Variants in FAM120C observed in about 807,000 individuals in gnomAD.
FAM120C encodes family with sequence similarity 120 member C.
Under a neutral mutation model 71.2 loss-of-function variants are expected in FAM120C, and 14 were observed. That is an observed-to-expected ratio of 0.20 (90% CI 0.13 to 0.31). The LOEUF is 0.31. FAM120C is among the 10% of genes least tolerant of loss of function. The pLI, the probability that FAM120C is intolerant of heterozygous loss-of-function variation, is 1.00. For synonymous variants in FAM120C, 354 were observed against 353.2 expected (o/e 1.00, Z -0.03); for missense variants, 500 against 879.0 (o/e 0.57, Z 5.45).
chrX:54,095,067 A>AAAAAC (rs200090345), intron 10 of FAM120C, among the ~76,000 whole-genome samples: 8,064 of 110,355 alleles, frequency 0.073, 391 homozygotes, highest in Admixed American at 0.21. Context: ...AACTTGTTTC[A>AAAAAC]AAAACAAAAC....
intron 9 of FAM120C, among the ~76,000 whole-genome samples, chrX:54,118,382 G>C (rs1225907141): frequency 9.0e-6 from 1 of 111,049 alleles, no homozygotes. Context: ...AAGCATATCT[G>C]GGTTGCTTCC....
chrX:54,179,280 T>C (rs1372335609), intron 1 of FAM120C, among the ~76,000 whole-genome samples: 1 of 112,252 alleles, frequency 8.9e-6, no homozygotes, highest in Admixed American at 9.4e-5. Flanking sequence ...TATTTAATCC[T>C]TCCACCTCTA....
intron 14 of FAM120C, 110 bp from the exon 15 acceptor site, chrX:54,080,399 A>ATGCCCCT: frequency 1.7e-6 from 1 of 575,932 alleles, no homozygotes; most frequent in Non-Finnish European, 2.9e-6. Context: ...CTTCAGTCAG[A>ATGCCCCT]TGCCCCTTCT....
At chrX:54,156,528 A>C (rs1557133723) in intron 3 of FAM120C, among the ~76,000 whole-genome samples, 5 of 107,783 alleles carry the variant, frequency 4.6e-5, no homozygotes. Context: ...CCCTGGCTGC[A>C]ACAGTCTTGA....
intron 11 of FAM120C, 49 bp from the exon 12 acceptor site, chrX:54,088,013 G>T: frequency 9.8e-7 from 1 of 1,019,348 alleles, no homozygotes; most frequent in Non-Finnish European, 1.4e-6. Flanking sequence ...TACTATTCTT[G>T]GTAACATTTA....
intron 3 of FAM120C, among the ~76,000 whole-genome samples, chrX:54,152,020 C>T (rs1252392400): frequency 1.9e-5 from 2 of 106,414 alleles, no homozygotes; most frequent in African/African-American, 7.0e-5. Context: ...GATACCTAAA[C>T]ATTTTTTTTT....
At chrX:54,115,494 A>G (rs1283909755) in intron 10 of FAM120C, among the ~76,000 whole-genome samples, 2 of 112,293 alleles carry the variant, frequency 1.8e-5, no homozygotes, top group African/African-American at 6.5e-5. Context: ...GTTCACAGGA[A>G]TATAAATTGG....
At chrX:54,136,117 G>A (rs1206137507) in intron 5 of FAM120C, among the ~76,000 whole-genome samples, 1 of 110,130 alleles carries the variant, frequency 9.1e-6, no homozygotes, top group African/African-American at 3.3e-5. Flanking sequence ...TCCTGCCTCA[G>A]CCTCCCGAGT....
At chrX:54,100,952 G>A (rs782401098) in intron 10 of FAM120C, among the ~76,000 whole-genome samples, 7 of 111,090 alleles carry the variant, frequency 6.3e-5, no homozygotes, top group Non-Finnish European at 1.3e-4. Flanking sequence ...GCTCCACTAT[G>A]CATTGCCCTG....
At chrX:54,083,477 A>ACC (rs1557121584) in intron 13 of FAM120C, among the ~76,000 whole-genome samples, 5 of 104,834 alleles carry the variant, frequency 4.8e-5, no homozygotes, top group African/African-American at 7.2e-5. Flanking sequence ...ACACACACAC[A>ACC]CCAAAATATT....
rs1227561205 is a variant in FAM120C at position 54,081,478 on chromosome X, A to G, written c.2840-18T>C. On this transcript the variant is annotated intron_variant, in intron 13 of 15. Coordinates refer to ENST00000375180, the MANE Select transcript of FAM120C (RefSeq NM_017848.6). The stretch of plus-strand genomic sequence containing the variant: ...ATGGAGACCTGGCAAGATAGAAAGA[A>G]TGGTGGTAATGGGCCAGGTGTGGTG... 1 of 1,195,037 alleles carries G rather than the reference A, an allele frequency of 8.4e-7. No homozygotes were observed. The highest frequency in any genetic ancestry group is 1.1e-6 in the Non-Finnish European group (1 of 887,125).
In FAM120C at chrX:54,110,590, T is replaced by C. The variant is rs190694349; in HGVS notation, c.2312+5955A>G. 4.7e-3 allele frequency among the ~76,000 whole-genome samples: 523 copies of C among 111,062 alleles called. 2 individuals are homozygous for C. The highest frequency in any genetic ancestry group is 0.016 in the African/African-American group (492 of 30,639). Reference sequence around the variant, plus strand: ...ACTATTATTCTAATTTTTCTATATATATGAAATTATAATAAAAAGTTGGCA... The same window carrying C: ...ACTATTATTCTAATTTTTCTATATACATGAAATTATAATAAAAAGTTGGCA... On this transcript the variant is annotated intron_variant, in intron 10 of 15. Transcript: ENST00000375180.
At chrX:54,127,925 C>T (rs1329559647) in intron 9 of FAM120C, among the ~76,000 whole-genome samples, 3 of 110,464 alleles carry the variant, frequency 2.7e-5, no homozygotes, top group African/African-American at 9.9e-5. Flanking sequence ...GATTTCTTTC[C>T]CTTTGAATGT....
rs782754476 is a variant in FAM120C, at chrX:54,068,392, A to G, written c.*4641T>C. 8.9e-6 allele frequency: 1 copy of G among 112,135 alleles called. No homozygotes were observed. The highest frequency in any genetic ancestry group is 2.8e-4 in the East Asian group (1 of 3,569). 9.2% of individuals were successfully genotyped at this position (112,135 alleles called of 1,213,427 possible). ...GCGTTGTAAGTTTCTTTCCATCAGC[A>G]TTAACAGAACAACAGACCAATTTCC... On this transcript the variant is annotated 3_prime_UTR_variant, in exon 16 of 16. Transcript: ENST00000375180.
In FAM120C at chrX:54,136,516, C is replaced by T. The variant is rs782617129; in HGVS notation, c.1233G>A (p.Ser411=). Residue 411 remains serine, a synonymous_variant, in exon 5 of 16, where the codon TCG becomes TCA. Transcript: ENST00000375180. ...CTAGAAAGGAGGGACCCACTGGCAG[C>T]GAAGAGAGTTTGGTTGTGACTGAAT... ...EYYSVTTKLS[S]LPVGPSFLGF... The T allele has an allele frequency of 1.3e-5, 16 of 1,207,742 alleles. No individual in the cohort carries two copies. Among genetic ancestry groups the T allele is most frequent in the Middle Eastern group, 2.3e-4 (1 of 4,359 alleles).
intron 9 of FAM120C, among the ~76,000 whole-genome samples, chrX:54,132,308 C>T (rs906915882): frequency 3.6e-5 from 4 of 110,879 alleles, no homozygotes; most frequent in African/African-American, 1.3e-4. Context: ...CCACCTCAGC[C>T]CCACAAAGTA....
In FAM120C at chrX:54,070,794, CTT is replaced by C. The variant is rs1569531110; in HGVS notation, c.*2237_*2238del. On this transcript the variant is annotated 3_prime_UTR_variant, in exon 16 of 16. Coordinates refer to ENST00000375180, the MANE Select transcript of FAM120C (RefSeq NM_017848.6). Reference sequence around the variant, plus strand: ...ACTTCTGTCTGGTTAGATGTACACTCTTGTCATTTTTCTTTGGTTTATGTAAG... The same window carrying C: ...ACTTCTGTCTGGTTAGATGTACACTCGTCATTTTTCTTTGGTTTATGTAAG... 1 of 111,777 alleles carries C rather than the reference CTT, an allele frequency of 8.9e-6. No homozygotes were observed. Among genetic ancestry groups the C allele is most frequent in the Non-Finnish European group, 1.9e-5 (1 of 53,152 alleles). The allele number at this position is 111,777 out of a possible 1,213,427, so 9.2% of individuals were successfully genotyped here. A position where few individuals can be genotyped will look rare whatever the true frequency, so the allele number is the denominator to read the frequency against.
chrX:54,174,819 C>T (rs1436347772), intron 1 of FAM120C, among the ~76,000 whole-genome samples: 2 of 112,086 alleles, frequency 1.8e-5, no homozygotes, highest in Non-Finnish European at 3.8e-5. Flanking sequence ...ATAAGGCCTA[C>T]GGGCTGCCAG....
Position 54,182,949 on chromosome X carries a change from G to T in FAM120C, c.250C>A (p.His84Asn), listed in dbSNP as rs1557137739. 12 of 1,159,495 alleles carry T rather than the reference G, an allele frequency of 1.0e-5. No individual in the cohort carries two copies. The highest frequency in any genetic ancestry group is 1.3e-5 in the Non-Finnish European group (11 of 871,001). Residue 84 changes from histidine (H) to asparagine (N), a missense_variant, in exon 1 of 16, where the codon CAC becomes AAC. His to Asn is a moderately conservative substitution (Grantham distance 68). This residue lies in a region of FAM120C where 79 missense variants were observed against 78.3 expected (regional missense o/e 1.01). Transcript: ENST00000375180. ...AYSGGAGPTR[H>N]HHPAHHFHHH... The stretch of plus-strand genomic sequence containing the variant: ...TGGAAGTGGTGAGCGGGGTGATGGT[G>T]CCGAGTCGGCCCCGCGCCCCCGGAG...
Sources: allele counts gnomAD v4.1 joint callset (sites outside exome capture counted in the v4.1 genomes callset), GRCh38; gene constraint gnomAD v4.1.1; regional missense constraint gnomAD v4.1.1; transcripts MANE v1.5; gene names NCBI Gene and HGNC (gene_info 2026-07-23, HGNC 2026-07-21).